The following LMF2 variants were observed in gnomAD, a reference collection of about 807,000 sequenced individuals.
The protein encoded by LMF2 is transmembrane protein 112B.
LMF2 carries 113 observed loss-of-function variants against 81.5 expected under a neutral mutation model. That is an observed-to-expected ratio of 1.39 (90% CI 1.19 to 1.62). LMF2 has a LOEUF of 1.62. LMF2 is among the 40% of genes most tolerant of loss of function. The probability of loss-of-function intolerance (pLI) is 0.00; values close to 1 mark genes in which losing one functional copy is unlikely to be tolerated. For synonymous variants in LMF2, 645 were observed against 424.5 expected (o/e 1.52, Z -6.39); for missense variants, 1,235 against 929.1 (o/e 1.33, Z -4.28).
chr22:50,503,770 C>A, intron 13 of LMF2, 38 bp downstream of exon 13: 1 of 1,596,192 alleles, frequency 6.3e-7, no homozygotes. Flanking sequence ...CTGGGGTCAC[C>A]CCTGCCACCT....
At chr22:50,504,484 G>T in intron 11 of LMF2, 33 bp from the exon 12 acceptor site, 1 of 1,581,234 alleles carries the variant, frequency 6.3e-7, no homozygotes, top group Non-Finnish European at 8.6e-7. Context: ...GGCCCCCACA[G>T]TACCCGCCCT....
chr22:50,503,421 A>G lies in LMF2; in HGVS notation c.2094T>C (p.Ser698=), dbSNP rs2068456818. The G allele has an allele frequency of 2.5e-6, 4 of 1,609,472 alleles. No individual in the cohort carries two copies. Among genetic ancestry groups the G allele is most frequent in the Non-Finnish European group, 3.4e-6 (4 of 1,178,836 alleles). The change falls in exon 14 of 14, where the codon AGT becomes AGC. Residue 698 remains serine (S), a synonymous_variant. Coordinates refer to ENST00000474879, the MANE Select transcript of LMF2 (RefSeq NM_033200.3). The part of the protein sequence containing the change: ...QATAAPNPCS[S]SSRTTRRKK Reference sequence around the variant, plus strand: ...TCTTTCGCCGGGTGGTCCTCGAACTACTGGAGCAGGGGTTGGGGGCTGCGG... The same window carrying G: ...TCTTTCGCCGGGTGGTCCTCGAACTGCTGGAGCAGGGGTTGGGGGCTGCGG...
In LMF2 at chr22:50,503,324, T is replaced by C. The variant is rs1383647738; in HGVS notation, c.*67A>G. 4 of 1,549,344 alleles carry C rather than the reference T, an allele frequency of 2.6e-6. No individual in the cohort carries two copies. Among genetic ancestry groups the C allele is most frequent in the East Asian group, 2.3e-5 (1 of 43,962 alleles). On this transcript the variant is annotated 3_prime_UTR_variant, in exon 14 of 14. Coordinates refer to ENST00000474879, the MANE Select transcript of LMF2 (RefSeq NM_033200.3). ...GCTAAGGCACAGTGGCTGGGTCCTG[T>C]CCTGCCGGAGGCCAGAGCACTCCCG...
chr22:50,504,457 G>C lies in LMF2; in HGVS notation c.1607-6C>G. ...GCTCTGGACAAGGCGGATCACTGCAGCGAGAGGCATCAGCGTGGCCCCCAC... is the reference window on the plus strand; with the variant it reads ...GCTCTGGACAAGGCGGATCACTGCACCGAGAGGCATCAGCGTGGCCCCCAC... On this transcript the variant is annotated splice_region_variant and splice_polypyrimidine_tract_variant and intron_variant, in intron 11 of 13. Transcript: ENST00000474879. The C allele has an allele frequency of 6.2e-7, 1 of 1,610,184 alleles. No homozygotes were observed. Among genetic ancestry groups the C allele is most frequent in the Non-Finnish European group, 8.5e-7 (1 of 1,179,132 alleles).
chr22:50,507,143 C>T, intron 1 of LMF2, 108 bp from the exon 2 acceptor site: 2 of 1,454,572 alleles, frequency 1.4e-6, no homozygotes, highest in Non-Finnish European at 9.0e-7. Context: ...ATGCGGATAC[C>T]TCCATCCCTA....
rs577311923 is a variant in LMF2, at chr22:50,503,371, G to C, written c.*20C>G. ...CCCGGCGACCTGGCCCTCTCAGGAC[G>C]TGCAGCTGGGAGAACACAGCTACTT... is the stretch of plus-strand genomic sequence containing the variant. On this transcript the variant is annotated 3_prime_UTR_variant, in exon 14 of 14. Coordinates refer to ENST00000474879, the MANE Select transcript of LMF2 (RefSeq NM_033200.3). 1.7e-5 allele frequency: 27 copies of C among 1,610,264 alleles called. No individual in the cohort carries two copies. Among genetic ancestry groups the C allele is most frequent in the East Asian group, 1.1e-4 (5 of 44,778 alleles).
chr22:50,504,024 G>A (rs1483517014), intron 12 of LMF2, 120 bp from the exon 13 acceptor site: 11 of 923,016 alleles, frequency 1.2e-5, no homozygotes, highest in South Asian at 3.3e-5. Context: ...CCTGGTGCCC[G>A]GCCTTACCCC....
At position 50,504,614 on chromosome 22, in the gene LMF2, CGT is replaced by C. The variant is rs768172230; in HGVS notation, c.1549_1550del (p.Thr517AlafsTer182). 6.2e-7 allele frequency: 1 copy of C among 1,606,624 alleles called. No homozygotes were observed. The highest frequency in any genetic ancestry group is 1.1e-5 in the South Asian group (1 of 90,984). Reference protein sequence around the residue: ...QMWFAALGPHTHSPWFTSLVL... With the variant: ...QMWFAALGPHXHSPWFTSLVL... ...CCAGGCTTGTGAACCACGGGCTGTG[CGT>C]GTGTGGGCCCAGGGCTGCAAACCAC... On this transcript the variant is annotated frameshift_variant, in exon 11 of 14. Transcript: ENST00000474879. LOFTEE classifies it high-confidence loss of function.
At position 50,503,008 on chromosome 22, in the gene LMF2, TGAAGATGACGTG is replaced by T. The variant is rs1157591100; in HGVS notation, c.*371_*382del. On this transcript the variant is annotated 3_prime_UTR_variant, in exon 14 of 14. Transcript: ENST00000474879. ...ATCTAAAGGGCAGGATGGGCTGGTGTGAAGATGACGTGGAAGATGACAGTGCTTCCCCTCTTC... is the reference window on the plus strand; with the variant it reads ...ATCTAAAGGGCAGGATGGGCTGGTGTGAAGATGACAGTGCTTCCCCTCTTC... The T allele has an allele frequency of 8.9e-6, 2 of 224,122 alleles. No homozygotes were observed. The highest frequency in any genetic ancestry group is 1.8e-5 in the Non-Finnish European group (2 of 114,092). 13.9% of individuals were successfully genotyped at this position (224,122 alleles called of 1,614,324 possible).
In LMF2 at chr22:50,503,148, C is replaced by A. The variant is rs2068450253; in HGVS notation, c.*243G>T. 4 of 513,840 alleles carry A rather than the reference C, an allele frequency of 7.8e-6. No homozygotes were observed. Among genetic ancestry groups the A allele is most frequent in the Non-Finnish European group, 1.4e-5 (4 of 294,132 alleles). 31.8% of individuals were successfully genotyped at this position (513,840 alleles called of 1,614,324 possible). ...GCAGGGGAAGGGTCTTGAGCTTGGT[C>A]GTGTTTTCCTCCTGGGCCAATCACA... On this transcript the variant is annotated 3_prime_UTR_variant, in exon 14 of 14. Coordinates refer to ENST00000474879, the MANE Select transcript of LMF2 (RefSeq NM_033200.3).
chr22:50,503,367 G>T lies in LMF2; in HGVS notation c.*24C>A. 1 of 1,610,054 alleles carries T rather than the reference G, an allele frequency of 6.2e-7. No homozygotes were observed. Among genetic ancestry groups the T allele is most frequent in the Non-Finnish European group, 8.5e-7 (1 of 1,178,914 alleles). On this transcript the variant is annotated 3_prime_UTR_variant, in exon 14 of 14. Transcript: ENST00000474879. The stretch of plus-strand genomic sequence containing the variant: ...CACTCCCGGCGACCTGGCCCTCTCA[G>T]GACGTGCAGCTGGGAGAACACAGCT...
Position 50,505,744 on chromosome 22 carries a change from G to A in LMF2, c.846C>T (p.Thr282=), listed in dbSNP as rs779163402. Residue 282 remains threonine, a synonymous_variant, in exon 6 of 14, where the codon ACC becomes ACT. Coordinates refer to ENST00000474879, the MANE Select transcript of LMF2 (RefSeq NM_033200.3). ...NFFNLMTLVL[T]TALLDDQHLA... is the part of the protein sequence containing the mutation. ...GGTGCTGGTCGTCCAGCAGCGCAGTGGTAAGCACCAGCGTCATCAGGTTGA... is the reference window on the plus strand; with the variant it reads ...GGTGCTGGTCGTCCAGCAGCGCAGTAGTAAGCACCAGCGTCATCAGGTTGA... 3.1e-6 allele frequency: 5 copies of A among 1,613,152 alleles called. No individual in the cohort carries two copies. In the South Asian group the frequency reaches 3.3e-5, roughly 11 times the overall value.
chr22:50,503,934 G>A, intron 12 of LMF2, 30 bp from the exon 13 acceptor site: 1 of 1,595,322 alleles, frequency 6.3e-7, no homozygotes, highest in African/African-American at 1.3e-5. Context: ...TCAGAAGCTG[G>A]AGGCACCCCG....
In LMF2 at chr22:50,503,790, T is replaced by C. The variant is rs765664496; in HGVS notation, c.1815+18A>G. 102 of 1,601,738 alleles carry C rather than the reference T, an allele frequency of 6.4e-5. No homozygotes were observed. The South Asian group carries it at 9.7e-4, about 15-fold the overall frequency. On this transcript the variant is annotated intron_variant, in intron 13 of 13. Transcript: ENST00000474879. ...GTCACCCCTGCCACCTCCCCCAGCC[T>C]GGCTGACACCCCCTTACCTGTAGTC...
In LMF2 at chr22:50,507,044, G is replaced by C. The variant is rs747172031; in HGVS notation, c.95-9C>G. 6.6e-5 allele frequency: 105 copies of C among 1,585,050 alleles called. No individual in the cohort carries two copies. Among genetic ancestry groups the C allele is most frequent in the Non-Finnish European group, 8.6e-5 (101 of 1,172,102 alleles). On this transcript the variant is annotated splice_polypyrimidine_tract_variant and intron_variant, in intron 1 of 13. Coordinates refer to ENST00000474879, the MANE Select transcript of LMF2 (RefSeq NM_033200.3). ...CTCGGGGCCATACAGGCCTGTGGGA[G>C]GGCATGTCATGGCCAGGCCCTGGAC... is the stretch of plus-strand genomic sequence containing the variant.
At chr22:50,507,187 C>A in intron 1 of LMF2, 152 bp from the exon 2 acceptor site, 1 of 1,309,076 alleles carries the variant, frequency 7.6e-7, no homozygotes, top group Non-Finnish European at 1.0e-6. Flanking sequence ...GAGCCCGTCC[C>A]CCAGGTCGGG....
Position 50,506,796 on chromosome 22 carries a change from G to A in LMF2, c.334C>T (p.Leu112=). 1 of 1,612,670 alleles carries A rather than the reference G, an allele frequency of 6.2e-7. No individual in the cohort carries two copies. Among genetic ancestry groups the A allele is most frequent in the African/African-American group, 1.3e-5 (1 of 74,996 alleles). ...GTCCCACTTGCCTGGCAGGCTGACA[G>A]GTAGGCGGCCCAAAGCAGCAAGTAG... ...VIYLLLWAAY[L]SACQVGQVFL... Residue 112 remains leucine, a synonymous_variant, in exon 2 of 14, where the codon CTG becomes TTG. Transcript: ENST00000474879.
Position 50,506,352 on chromosome 22 carries a change from G to T in LMF2, c.528C>A (p.Phe176Leu), listed in dbSNP as rs1381154446. Residue 176 changes from phenylalanine (F) to leucine (L), a missense_variant, in exon 4 of 14, where the codon TTC becomes TTA. By Grantham distance (22) the Phe-to-Leu change is conservative (BLOSUM62 0). Coordinates refer to ENST00000474879, the MANE Select transcript of LMF2 (RefSeq NM_033200.3). The part of the protein sequence containing the change: ...LPFWLVRWLL[F>L]RLMFASGVVK... The stretch of plus-strand genomic sequence containing the variant: ...CCACGCCTGAGGCGAACATGAGGCG[G>T]AACAGCAGCCATCGCACCAGCCAGA... 1.6e-5 allele frequency: 25 copies of T among 1,549,752 alleles called. No homozygotes were observed. The highest frequency in any genetic ancestry group is 1.7e-4 in the Middle Eastern group (1 of 5,990).
In LMF2 at chr22:50,503,254, A is replaced by G. The variant is rs2148642953; in HGVS notation, c.*137T>C. ...GAGCCCTCAATGCAGCACCCTGCAA[A>G]CCCCAGGGGCAGCCCCCCAACCTGT... On this transcript the variant is annotated 3_prime_UTR_variant, in exon 14 of 14. Transcript: ENST00000474879. 1.1e-6 allele frequency: 1 copy of G among 919,486 alleles called. No individual in the cohort carries two copies. The highest frequency in any genetic ancestry group is 1.6e-6 in the Non-Finnish European group (1 of 623,438). 57.0% of individuals were successfully genotyped at this position (919,486 alleles called of 1,614,324 possible). A position where few individuals can be genotyped will look rare whatever the true frequency, so the allele number is the denominator to read the frequency against.
Sources: allele counts gnomAD v4.1 joint callset, GRCh38; gene constraint gnomAD v4.1.1; transcripts MANE v1.5; gene names NCBI Gene and HGNC (gene_info 2026-07-23, HGNC 2026-07-21).